Variants in NXPE2 observed in about 807,000 individuals in gnomAD.
NXPE2 encodes the protein NXPE family member 2.
A neutral mutation model predicts 34.4 loss-of-function variants in NXPE2; 34 were observed. That is an observed-to-expected ratio of 0.99 (90% CI 0.75 to 1.31). NXPE2 has a LOEUF of 1.31. Among genes scored for constraint, NXPE2 ranks in the 40% most tolerant of loss-of-function variants. The pLI is 0.00. For missense variants in NXPE2, 649 were observed against 672.5 expected (o/e 0.97, Z 0.39); for synonymous variants, 235 against 231.3 (o/e 1.02, Z -0.15).
At chr11:114,638,449 CCTT>C in the NXPE2 span, among the ~76,000 whole-genome samples, 1 of 151,962 alleles carries the variant, frequency 6.6e-6, no homozygotes, top group Non-Finnish European at 1.5e-5. Flanking sequence ...TTGTCTGAAG[CCTT>C]CTTCTCTCAA....
chr11:114,759,462 A>G, the NXPE2 span, among the ~76,000 whole-genome samples: 2 of 152,248 alleles, frequency 1.3e-5, no homozygotes, highest in African/African-American at 2.4e-5. Flanking sequence ...AAACCATGGT[A>G]AGATTTATTA....
At chr11:114,678,502 C>T, upstream of NXPE2, 2 of 1,246,700 alleles carry the variant, frequency 1.6e-6, no homozygotes, top group South Asian at 2.7e-5. Flanking sequence ...AACTCCAACC[C>T]TAAGATAAAT....
At chr11:114,697,974 T>C (rs1212882694) in intron 2 of NXPE2, 71 bp from the exon 3 acceptor site, 1 of 1,315,140 alleles carries the variant, frequency 7.6e-7, no homozygotes, top group Non-Finnish European at 1.0e-6. Flanking sequence ...AAATAAGCCA[T>C]AATAATTTAT....
At chr11:114,678,732 A>G in intron 1 of NXPE2, 131 bp downstream of exon 1, 1 of 655,290 alleles carries the variant, frequency 1.5e-6, no homozygotes, top group Non-Finnish European at 2.7e-6. Context: ...TTATTTGGGC[A>G]TAAAAATACT....
chr11:114,690,634 T>A (rs1951132182), intron 2 of NXPE2, among the ~76,000 whole-genome samples: 1 of 152,188 alleles, frequency 6.6e-6, no homozygotes, highest in South Asian at 2.1e-4. Context: ...TATCTGCATG[T>A]CAACCTTTCT....
At chr11:114,767,456 A>G in the NXPE2 span, among the ~76,000 whole-genome samples, 1 of 152,198 alleles carries the variant, frequency 6.6e-6, no homozygotes, top group African/African-American at 2.4e-5. Context: ...TCTGATCCAC[A>G]TGCCCTTTCC....
At chr11:114,681,333 T>G (rs1040495571) in intron 2 of NXPE2, among the ~76,000 whole-genome samples, 1 of 152,210 alleles carries the variant, frequency 6.6e-6, no homozygotes, top group Non-Finnish European at 1.5e-5. Context: ...ATGTTTGTGT[T>G]CAAGAATCTG....
chr11:114,677,492 A>G (rs995324509), upstream of NXPE2, among the ~76,000 whole-genome samples: 20 of 152,132 alleles, frequency 1.3e-4, no homozygotes, highest in African/African-American at 4.3e-4. Context: ...GCAGAGGAGA[A>G]GAACATGTCT....
chr11:114,659,644 A>G, the NXPE2 span, among the ~76,000 whole-genome samples: 7 of 152,184 alleles, frequency 4.6e-5, no homozygotes, highest in Non-Finnish European at 7.4e-5. Context: ...TGAAAATAAT[A>G]TATCAAAATA....
At chr11:114,712,497 C>T in the NXPE2 span, among the ~76,000 whole-genome samples, 1 of 152,024 alleles carries the variant, frequency 6.6e-6, no homozygotes, top group Non-Finnish European at 1.5e-5. Flanking sequence ...TACAAGTGGC[C>T]AATAAACACA....
the NXPE2 span, among the ~76,000 whole-genome samples, chr11:114,769,033 C>T: frequency 0.17 from 26,028 of 151,594 alleles, 2,625 homozygotes; most frequent in South Asian, 0.27. Flanking sequence ...ACCTACAGAA[C>T]GGGAGAAAAT....
At chr11:114,632,991 T>C in the NXPE2 span, among the ~76,000 whole-genome samples, 7 of 104,506 alleles carry the variant, frequency 6.7e-5, no homozygotes, top group Non-Finnish European at 1.2e-4. Context: ...TATTTTTATA[T>C]AATATATAAT....
chr11:114,592,517 ACACACACACACACT>A, the NXPE2 span, among the ~76,000 whole-genome samples: 1 of 151,360 alleles, frequency 6.6e-6, no homozygotes, highest in African/African-American at 2.4e-5. Context: ...ATTGGAGAAC[ACACACACACACACT>A]CACACACACA....
chr11:114,558,941 A>G, the NXPE2 span, among the ~76,000 whole-genome samples: 2 of 152,172 alleles, frequency 1.3e-5, no homozygotes, highest in African/African-American at 4.8e-5. Context: ...TTTAATATGT[A>G]TTACTATGAA....
At chr11:114,806,578 C>T in the NXPE2 span, among the ~76,000 whole-genome samples, 1 of 152,128 alleles carries the variant, frequency 6.6e-6, no homozygotes, top group African/African-American at 2.4e-5. Context: ...ATGCGATCAA[C>T]TGGAAGAAAG....
the NXPE2 span, chr11:114,522,361 A>T: frequency 6.2e-7 from 1 of 1,614,144 alleles, no homozygotes. Context: ...GAGGGATATA[A>T]TCATGATCTA....
the NXPE2 span, among the ~76,000 whole-genome samples, chr11:114,627,616 G>A: frequency 1.3e-5 from 2 of 151,052 alleles, no homozygotes; most frequent in South Asian, 2.1e-4. Context: ...ATCAACTAAC[G>A]AGCAAAATAA....
At chr11:114,641,524 T>G in the NXPE2 span, among the ~76,000 whole-genome samples, 2 of 152,018 alleles carry the variant, frequency 1.3e-5, no homozygotes, top group South Asian at 4.1e-4. Context: ...GAGAGGGAAA[T>G]ATGTAACTGT....
chr11:114,800,211 G>T, the NXPE2 span, among the ~76,000 whole-genome samples: 1 of 152,164 alleles, frequency 6.6e-6, no homozygotes, highest in East Asian at 1.9e-4. Flanking sequence ...CCCCAAAATT[G>T]CAAGCTTCTT....
Sources: gnomAD v4.1 joint callset for allele counts (sites outside exome capture counted in the v4.1 genomes callset) on GRCh38, gnomAD v4.1.1 for gene constraint, MANE v1.5 for transcripts, NCBI Gene and HGNC (gene_info 2026-07-23, HGNC 2026-07-21) for gene names.